MACROD2: variants seen among roughly 807,000 people sequenced by gnomAD.
MACROD2 encodes ADP-ribose glycohydrolase MACROD2.
MACROD2 carries 36 observed loss-of-function variants against 70.4 expected under a neutral mutation model. That is an observed-to-expected ratio of 0.51 (90% CI 0.39 to 0.68). The LOEUF (loss-of-function observed/expected upper bound fraction) is 0.68, where lower values mean the gene tolerates loss of function less well. MACROD2 is among the 30% of genes least tolerant of loss of function. The pLI is 0.00. For synonymous variants in MACROD2, 172 were observed against 178.8 expected (o/e 0.96, Z 0.30); for missense variants, 496 against 538.4 (o/e 0.92, Z 0.78).
At chr20:15,953,170 T>C (rs1026877934) in intron 12 of MACROD2, among the ~76,000 whole-genome samples, 2 of 151,994 alleles carry the variant, frequency 1.3e-5, no homozygotes, top group African/African-American at 4.8e-5. Context: ...GTTGGTCTCA[T>C]AGAAGTAAAA....
intron 4 of MACROD2, among the ~76,000 whole-genome samples, chr20:14,581,194 ACT>A (rs1311447720): frequency 6.6e-6 from 1 of 152,014 alleles, no homozygotes; most frequent in Non-Finnish European, 1.5e-5. Flanking sequence ...TACTTAAAAC[ACT>A]CTTGGTTTTT....
intron 3 of MACROD2, among the ~76,000 whole-genome samples, chr20:14,107,927 T>G (rs942972198): frequency 1.3e-5 from 2 of 152,086 alleles, no homozygotes; most frequent in Non-Finnish European, 1.5e-5. Context: ...CAATAATAAA[T>G]TATCTGAAGG....
chr20:15,613,439 A>G (rs561819770), intron 8 of MACROD2, among the ~76,000 whole-genome samples: 2 of 152,346 alleles, frequency 1.3e-5, no homozygotes, highest in Admixed American at 6.5e-5. Context: ...GGATAGCAGT[A>G]TAATGCTTAG....
At chr20:14,535,189 G>T (rs1315792733) in intron 4 of MACROD2, among the ~76,000 whole-genome samples, 1 of 152,160 alleles carries the variant, frequency 6.6e-6, no homozygotes, top group African/African-American at 2.4e-5. Context: ...TTGTATTTTT[G>T]AATTAGTTAG....
In MACROD2 at chr20:14,829,128, A is replaced by ATTT. The variant is rs71190150; in HGVS notation, c.418+144186_418+144188dup. Among the ~76,000 whole-genome samples the ATTT allele has an allele frequency of 2.6e-3, 282 of 110,356 alleles. 12 individuals are homozygous for ATTT. The highest frequency in any genetic ancestry group is 4.2e-3 in the Non-Finnish European group (232 of 55,324). 72.4% of individuals were successfully genotyped at this position (110,356 alleles called of 152,430 possible). On this transcript the variant is annotated intron_variant, in intron 5 of 17. Transcript: ENST00000684519. ...CCGCCCCACAGTGTGTTGCAGAACTATTTTTTTTTTTTTTTTTTTGAGACA... is the reference window on the plus strand; with the variant it reads ...CCGCCCCACAGTGTGTTGCAGAACTATTTTTTTTTTTTTTTTTTTTTTGAGACA...
intron 6 of MACROD2, among the ~76,000 whole-genome samples, chr20:15,403,832 G>A (rs759292336): frequency 2.0e-5 from 3 of 152,148 alleles, no homozygotes; most frequent in South Asian, 2.1e-4. Flanking sequence ...CAAGTCCAGG[G>A]CATTAATGAA....
chr20:14,617,565 A>G (rs1983554226), intron 4 of MACROD2, among the ~76,000 whole-genome samples: 1 of 152,156 alleles, frequency 6.6e-6, no homozygotes, highest in South Asian at 2.1e-4. Flanking sequence ...TCTGCAGACT[A>G]AGAAACCATA....
At chr20:14,396,532 T>G (rs997829790) in intron 3 of MACROD2, among the ~76,000 whole-genome samples, 4 of 152,184 alleles carry the variant, frequency 2.6e-5, no homozygotes, top group Non-Finnish European at 4.4e-5. Context: ...CTTGTATTAG[T>G]GTTAGTATGG....
chr20:14,466,717 G>A (rs1354566804), intron 3 of MACROD2, among the ~76,000 whole-genome samples: 1 of 151,994 alleles, frequency 6.6e-6, no homozygotes, highest in Non-Finnish European at 1.5e-5. Context: ...TTTTTGGTGT[G>A]GATGTCCTTT....
chr20:15,388,631 C>T (rs1220772040), intron 6 of MACROD2, among the ~76,000 whole-genome samples: 3 of 152,102 alleles, frequency 2.0e-5, no homozygotes, highest in Non-Finnish European at 4.4e-5. Flanking sequence ...ATCAGCAACC[C>T]TAATTACCAA....
chr20:15,425,477 A>T (rs1026757297), intron 6 of MACROD2, among the ~76,000 whole-genome samples: 1 of 152,206 alleles, frequency 6.6e-6, no homozygotes, highest in Non-Finnish European at 1.5e-5. Context: ...GTGATATATA[A>T]TGAAAAACAC....
At chr20:14,491,985 G>A (rs1332145857) in intron 3 of MACROD2, among the ~76,000 whole-genome samples, 1 of 152,100 alleles carries the variant, frequency 6.6e-6, no homozygotes, top group African/African-American at 2.4e-5. Flanking sequence ...GTTTGGTTTA[G>A]CCTACAGACA....
intron 3 of MACROD2, among the ~76,000 whole-genome samples, chr20:14,190,790 C>T (rs1268018220): frequency 1.4e-5 from 2 of 141,658 alleles, no homozygotes; most frequent in East Asian, 2.2e-4. Flanking sequence ...TCACTGCAAG[C>T]TCCGCCTCCC....
intron 7 of MACROD2, among the ~76,000 whole-genome samples, chr20:15,443,143 A>G (rs952366315): frequency 1.3e-5 from 2 of 152,112 alleles, no homozygotes; most frequent in African/African-American, 2.4e-5. Flanking sequence ...GGAGGCATCA[A>G]TCGCAATTTG....
At chr20:15,841,958 A>G (rs2064175322) in intron 8 of MACROD2, among the ~76,000 whole-genome samples, 1 of 152,094 alleles carries the variant, frequency 6.6e-6, no homozygotes, top group Non-Finnish European at 1.5e-5. Flanking sequence ...AGAAAATAGG[A>G]AGCAAAGACC....
At chr20:15,258,973 T>C (rs1337203761) in intron 6 of MACROD2, among the ~76,000 whole-genome samples, 5 of 152,046 alleles carry the variant, frequency 3.3e-5, no homozygotes, top group Admixed American at 2.0e-4. Context: ...TTATCATTTC[T>C]TCTAGATATA....
At chr20:14,679,071 C>A (rs905584490) in intron 4 of MACROD2, among the ~76,000 whole-genome samples, 1 of 152,088 alleles carries the variant, frequency 6.6e-6, no homozygotes, top group African/African-American at 2.4e-5. Context: ...GAATAAGCCA[C>A]CTCCTGCTTC....
At chr20:14,415,546 G>A (rs1229900718) in intron 3 of MACROD2, among the ~76,000 whole-genome samples, 1 of 152,150 alleles carries the variant, frequency 6.6e-6, no homozygotes, top group African/African-American at 2.4e-5. Flanking sequence ...ACAGCACTTA[G>A]TTTGTAACAT....
chr20:14,404,286 C>T (rs922893727), intron 3 of MACROD2, among the ~76,000 whole-genome samples: 1 of 152,028 alleles, frequency 6.6e-6, no homozygotes, highest in Non-Finnish European at 1.5e-5. Flanking sequence ...AAGAATTTTC[C>T]AGATATGATT....
Sources: gnomAD v4.1 joint callset for allele counts (sites outside exome capture counted in the v4.1 genomes callset) on GRCh38, gnomAD v4.1.1 for gene constraint, MANE v1.5 for transcripts, NCBI Gene and HGNC (gene_info 2026-07-23, HGNC 2026-07-21) for gene names.